The following SPIDR variants were observed in gnomAD, a reference collection of about 807,000 sequenced individuals.
The protein encoded by SPIDR is scaffold protein involved in DNA repair.
A neutral mutation model predicts 104.6 loss-of-function variants in SPIDR; 93 were observed. The observed-to-expected ratio is 0.89, with a 90% CI of 0.75 to 1.06. The LOEUF (loss-of-function observed/expected upper bound fraction) is 1.06. SPIDR is among the 50% of genes least tolerant of loss of function. SPIDR has a pLI of 0.00. For missense variants in SPIDR, 1,154 were observed against 1,111.2 expected (o/e 1.04, Z -0.55); for synonymous variants, 431 against 416.9 (o/e 1.03, Z -0.41).
At chr8:47,495,730 G>A (rs1197849000) in intron 8 of SPIDR, among the ~76,000 whole-genome samples, 2 of 151,940 alleles carry the variant, frequency 1.3e-5, no homozygotes, top group Non-Finnish European at 2.9e-5. Context: ...TGTAAAAAGG[G>A]GTTCAAAATC....
Position 47,735,958 on chromosome 8 carries a change from GT to G in SPIDR, c.*509del, listed in dbSNP as rs1248426157. The stretch of plus-strand genomic sequence containing the variant: ...TTTTGGGAAAATGTTCTAGGGAACT[GT>G]ATCACAGGTGAAACTGTTACCCATA... On this transcript the variant is annotated 3_prime_UTR_variant, in exon 20 of 20. Transcript: ENST00000297423. The G allele has an allele frequency of 4.5e-6, 1 of 220,572 alleles. No homozygotes were observed. The highest frequency in any genetic ancestry group is 9.2e-6 in the Non-Finnish European group (1 of 108,834). The allele number at this position is 220,572 out of a possible 1,614,324, so 13.7% of individuals were successfully genotyped here.
chr8:47,388,804 A>G (rs2060237614), intron 5 of SPIDR, among the ~76,000 whole-genome samples: 2 of 152,194 alleles, frequency 1.3e-5, no homozygotes, highest in Admixed American at 6.5e-5. Flanking sequence ...ATTGCAACAG[A>G]TGTGTACTAC....
intron 10 of SPIDR, among the ~76,000 whole-genome samples, chr8:47,622,072 T>C (rs2065242533): frequency 6.6e-6 from 1 of 152,022 alleles, no homozygotes; most frequent in Non-Finnish European, 1.5e-5. Flanking sequence ...CCAAGTAGTG[T>C]CTTAGTGGCA....
At chr8:47,433,412 C>G (rs933917553) in intron 7 of SPIDR, among the ~76,000 whole-genome samples, 6 of 152,202 alleles carry the variant, frequency 3.9e-5, no homozygotes, top group African/African-American at 1.2e-4. Flanking sequence ...GATAGAAGAC[C>G]TGTTTCTTCC....
chr8:47,629,238 G>T (rs752963078), intron 10 of SPIDR, among the ~76,000 whole-genome samples: 8 of 152,212 alleles, frequency 5.3e-5, no homozygotes, highest in Non-Finnish European at 1.2e-4. Flanking sequence ...ACAGGAGATT[G>T]TTTAGTAGAT....
At chr8:47,278,990 G>A (rs1000323558) in intron 1 of SPIDR, among the ~76,000 whole-genome samples, 230 of 151,528 alleles carry the variant, frequency 1.5e-3, no homozygotes, top group African/African-American at 5.3e-3. Flanking sequence ...GGGCTCAAGC[G>A]ATCCTCCTGG....
chr8:47,480,948 T>G (rs1243630067), intron 8 of SPIDR, among the ~76,000 whole-genome samples: 26 of 152,358 alleles, frequency 1.7e-4, no homozygotes, highest in African/African-American at 6.0e-4. Flanking sequence ...AAGCAACCAC[T>G]CTTTGTTATG....
intron 8 of SPIDR, among the ~76,000 whole-genome samples, chr8:47,457,258 A>T (rs1388876046): frequency 1.3e-5 from 2 of 152,244 alleles, no homozygotes; most frequent in South Asian, 2.1e-4. Flanking sequence ...CCGCATCCAC[A>T]TCAACATCTA....
chr8:47,663,911 T>C (rs1481835692), intron 10 of SPIDR, among the ~76,000 whole-genome samples: 1 of 152,140 alleles, frequency 6.6e-6, no homozygotes, highest in African/African-American at 2.4e-5. Context: ...TGGAGAAAAT[T>C]ATGAAAGACA....
At chr8:47,514,702 G>T (rs1290183932) in intron 8 of SPIDR, among the ~76,000 whole-genome samples, 1 of 152,014 alleles carries the variant, frequency 6.6e-6, no homozygotes, top group African/African-American at 2.4e-5. Context: ...TGATGAGGGA[G>T]ATAAGGGAAA....
chr8:47,426,619 G>GT (rs2066459080), intron 7 of SPIDR, among the ~76,000 whole-genome samples: 1 of 152,138 alleles, frequency 6.6e-6, no homozygotes, highest in Non-Finnish European at 1.5e-5. Context: ...GTCTTAGTCT[G>GT]TTTTGTTTTG....
chr8:47,328,994 C>T (rs1355930793), intron 5 of SPIDR, among the ~76,000 whole-genome samples: 36 of 151,930 alleles, frequency 2.4e-4, no homozygotes, highest in Admixed American at 2.4e-3. Context: ...GCAAACTCCA[C>T]TTCCTGGGTT....
chr8:47,539,818 C>A (rs548560537), intron 8 of SPIDR, among the ~76,000 whole-genome samples: 2 of 152,044 alleles, frequency 1.3e-5, no homozygotes, highest in Non-Finnish European at 2.9e-5. Flanking sequence ...GTGAGACCTG[C>A]AGCCTTGTTA....
chr8:47,450,572 G>A (rs2154348237), intron 8 of SPIDR, among the ~76,000 whole-genome samples: 1 of 152,350 alleles, frequency 6.6e-6, no homozygotes, highest in South Asian at 2.1e-4. Context: ...ACCAGTTGTT[G>A]TATTGTAGGA....
intron 2 of SPIDR, among the ~76,000 whole-genome samples, chr8:47,280,736 C>T (rs2037605006): frequency 6.6e-6 from 1 of 152,098 alleles, no homozygotes; most frequent in Non-Finnish European, 1.5e-5. Flanking sequence ...CAGGGTCTTG[C>T]TGTGTTGCCT....
At chr8:47,497,197 T>C (rs2079589181) in intron 8 of SPIDR, among the ~76,000 whole-genome samples, 1 of 152,078 alleles carries the variant, frequency 6.6e-6, no homozygotes, top group Admixed American at 6.6e-5. Context: ...TGTTTTCTAT[T>C]CTCTATTTCA....
At chr8:47,323,359 A>G (rs1257982992) in intron 5 of SPIDR, among the ~76,000 whole-genome samples, 5 of 152,206 alleles carry the variant, frequency 3.3e-5, no homozygotes, top group South Asian at 2.1e-4. Context: ...GAAGTTTCCA[A>G]TGTGAGTGTA....
chr8:47,627,035 A>C (rs557358620), intron 10 of SPIDR, among the ~76,000 whole-genome samples: 24 of 152,370 alleles, frequency 1.6e-4, no homozygotes, highest in African/African-American at 5.0e-4. Flanking sequence ...TGGCACATAT[A>C]CACCATGGAA....
At chr8:47,638,271 C>G (rs577240146) in intron 10 of SPIDR, among the ~76,000 whole-genome samples, 1 of 152,144 alleles carries the variant, frequency 6.6e-6, no homozygotes, top group East Asian at 1.9e-4. Context: ...GTATTAGATA[C>G]CAAGAGGTAC....
Sources: gnomAD v4.1 joint callset for allele counts (sites outside exome capture counted in the v4.1 genomes callset) on GRCh38, gnomAD v4.1.1 for gene constraint, MANE v1.5 for transcripts, NCBI Gene and HGNC (gene_info 2026-07-23, HGNC 2026-07-21) for gene names.